The following RHOH variants were observed in gnomAD, a reference collection of about 807,000 sequenced individuals.
RHOH encodes rho-related GTP-binding protein RhoH.
A neutral mutation model predicts 13.8 loss-of-function variants in RHOH; 6 were observed. That is an observed-to-expected ratio of 0.44 (90% CI 0.24 to 0.86). RHOH has a LOEUF of 0.86. Among genes scored for constraint, RHOH ranks in the 40% least tolerant of loss-of-function variants. RHOH has a pLI of 0.24. For synonymous variants in RHOH, 117 were observed against 103.0 expected (o/e 1.14, Z -0.82); for missense variants, 147 against 244.5 (o/e 0.60, Z 2.66).
At chr4:40,193,976 A>G (rs1579206356), upstream of RHOH, among the ~76,000 whole-genome samples, 1 of 152,182 alleles carries the variant, frequency 6.6e-6, no homozygotes, top group East Asian at 1.9e-4. Flanking sequence ...TTGTTTCCCA[A>G]AGGGCAGAGC....
At chr4:40,204,851 C>T (rs1351371768) in intron 1 of RHOH, among the ~76,000 whole-genome samples, 1 of 152,154 alleles carries the variant, frequency 6.6e-6, no homozygotes, top group African/African-American at 2.4e-5. Flanking sequence ...TGCTCTAAAT[C>T]CTTAGTTCTG....
At chr4:40,213,077 A>G (rs1725455967) in intron 1 of RHOH, among the ~76,000 whole-genome samples, 1 of 152,218 alleles carries the variant, frequency 6.6e-6, no homozygotes, top group African/African-American at 2.4e-5. Flanking sequence ...ACTCTACTTT[A>G]TGCAGGAATA....
upstream of RHOH, among the ~76,000 whole-genome samples, chr4:40,192,131 C>T (rs1722730069): frequency 6.6e-6 from 1 of 152,124 alleles, no homozygotes; most frequent in Non-Finnish European, 1.5e-5. Flanking sequence ...TGAAATCTCT[C>T]AATCAGAAAG....
chr4:40,197,682 T>G, intron 1 of RHOH, among the ~76,000 whole-genome samples: 1 of 152,208 alleles, frequency 6.6e-6, no homozygotes, highest in East Asian at 1.9e-4. Context: ...TTTAAAGTTG[T>G]CTAGTTCAGA....
chr4:40,210,678 A>G (rs932496025), intron 1 of RHOH, among the ~76,000 whole-genome samples: 2 of 152,078 alleles, frequency 1.3e-5, no homozygotes, highest in African/African-American at 4.8e-5. Context: ...GGTGGAGAAT[A>G]GGGTGAGGGT....
chr4:40,201,245 C>T (rs1266722193), intron 1 of RHOH, among the ~76,000 whole-genome samples: 6 of 151,896 alleles, frequency 4.0e-5, no homozygotes, highest in Non-Finnish European at 8.8e-5. Flanking sequence ...GTTAGATGTT[C>T]ACTCTATCCC....
chr4:40,199,538 A>G (rs953069807), intron 1 of RHOH, among the ~76,000 whole-genome samples: 3 of 152,228 alleles, frequency 2.0e-5, no homozygotes, highest in Non-Finnish European at 1.5e-5. Flanking sequence ...TCTCTAGCTT[A>G]TGAGATGAGA....
intron 1 of RHOH, among the ~76,000 whole-genome samples, 176 bp from the exon 2 acceptor site, chr4:40,242,538 T>C (rs762476628): frequency 1.3e-5 from 2 of 152,218 alleles, no homozygotes; most frequent in African/African-American, 2.4e-5. Flanking sequence ...TTGCATCTCT[T>C]ACCAGTTTTT....
chr4:40,201,945 G>GTTTTTT (rs1179441198), intron 1 of RHOH, among the ~76,000 whole-genome samples: 6 of 109,052 alleles, frequency 5.5e-5, no homozygotes, highest in South Asian at 3.1e-4. Flanking sequence ...AACTCCATGA[G>GTTTTTT]TTTTTTTTTT....
At chr4:40,224,285 C>T (rs1019064819) in intron 1 of RHOH, among the ~76,000 whole-genome samples, 1 of 152,198 alleles carries the variant, frequency 6.6e-6, no homozygotes, top group African/African-American at 2.4e-5. Flanking sequence ...ATTAATTTAA[C>T]CCCTGCGTCT....
chr4:40,219,716 AG>A (rs1726320076), intron 1 of RHOH, among the ~76,000 whole-genome samples: 1 of 152,198 alleles, frequency 6.6e-6, no homozygotes, highest in Non-Finnish European at 1.5e-5. Flanking sequence ...TACAAGAGGT[AG>A]CATCTGAGCT....
At chr4:40,195,406 CTT>C (rs1723037226), upstream of RHOH, among the ~76,000 whole-genome samples, 1 of 135,756 alleles carries the variant, frequency 7.4e-6, no homozygotes, top group Non-Finnish European at 1.6e-5. Flanking sequence ...TCCTTCCTTC[CTT>C]CCTTCCTTCC....
chr4:40,204,676 T>G (rs770178218), intron 1 of RHOH, among the ~76,000 whole-genome samples: 1 of 152,196 alleles, frequency 6.6e-6, no homozygotes, highest in Admixed American at 6.5e-5. Flanking sequence ...TTCTGGTTAT[T>G]ACTGACATCA....
chr4:40,198,567 GCTGCTTTCTGC>G (rs1723534843), intron 1 of RHOH, among the ~76,000 whole-genome samples: 1 of 152,202 alleles, frequency 6.6e-6, no homozygotes, highest in Non-Finnish European at 1.5e-5. Context: ...CCCACTTGGG[GCTGCTTTCTGC>G]ATCCCTGTGC....
chr4:40,234,744 C>CTTTTTT (rs549802852), intron 1 of RHOH, among the ~76,000 whole-genome samples: 2 of 101,066 alleles, frequency 2.0e-5, no homozygotes, highest in African/African-American at 7.8e-5. Flanking sequence ...AAATCAGCAT[C>CTTTTTT]TTTTTTTTTT....
At position 40,243,434 on chromosome 4, in the gene RHOH, G is replaced by C. The variant is rs575059532; in HGVS notation, c.48G>C (p.Gly16=). 1.2e-5 allele frequency: 20 copies of C among 1,611,674 alleles called. No homozygotes were observed. The South Asian group carries it at 2.1e-4, about 17-fold the overall frequency. The part of the protein sequence containing the change: ...KCVLVGDSAV[G]KTSLLVRFTS... ...TGTTGGTGGGCGACTCTGCTGTGGGGAAAACCTCTCTGTTGGTGCGCTTCA... is the reference window on the plus strand; with the variant it reads ...TGTTGGTGGGCGACTCTGCTGTGGGCAAAACCTCTCTGTTGGTGCGCTTCA... The change falls in exon 3 of 3, where the codon GGG becomes GGC. Residue 16 remains glycine (G), a synonymous_variant. Transcript: ENST00000381799. The surrounding 1 kb of genome is among the most constrained non-coding windows in gnomAD (Gnocchi z 6.2).
intron 1 of RHOH, among the ~76,000 whole-genome samples, chr4:40,201,945 GTTTTTTTT>G (rs1179441198): frequency 5.5e-5 from 6 of 109,052 alleles, no homozygotes; most frequent in African/African-American, 1.4e-4. Flanking sequence ...AACTCCATGA[GTTTTTTTT>G]TTTTTTTTTT....
chr4:40,195,389 C>CCTTCCTTCCTTT (rs1723027071), upstream of RHOH, among the ~76,000 whole-genome samples: 1 of 139,042 alleles, frequency 7.2e-6, no homozygotes, highest in Admixed American at 7.1e-5. Context: ...TTCCTTCCTT[C>CCTTCCTTCCTTT]CTTCCTTCCT....
At chr4:40,217,877 C>T (rs981838613) in intron 1 of RHOH, among the ~76,000 whole-genome samples, 7 of 152,104 alleles carry the variant, frequency 4.6e-5, no homozygotes, top group African/African-American at 1.2e-4. Flanking sequence ...ACTCGAGTGG[C>T]GTCAAAGATG....
Sources: gnomAD v4.1 joint callset for allele counts (sites outside exome capture counted in the v4.1 genomes callset) on GRCh38, gnomAD v4.1.1 for gene constraint, Gnocchi (gnomAD v3.1) non-coding constraint, MANE v1.5 for transcripts, NCBI Gene and HGNC (gene_info 2026-07-23, HGNC 2026-07-21) for gene names.